Variants in TMEM178B observed in about 807,000 individuals in gnomAD.
TMEM178B encodes transmembrane protein 178B.
A neutral mutation model predicts 31.0 loss-of-function variants in TMEM178B; 5 were observed. That is an observed-to-expected ratio of 0.16 (90% CI 0.08 to 0.34). TMEM178B has a LOEUF of 0.34. Ranked by LOEUF, TMEM178B falls within the 10% of genes least tolerant of loss-of-function variation. The pLI, the probability that TMEM178B is intolerant of heterozygous loss-of-function variation, is 1.00. For missense variants in TMEM178B, 275 were observed against 400.3 expected (o/e 0.69, Z 2.67); for synonymous variants, 164 against 164.0 (o/e 1.00, Z 0.00).
chr7:141,330,095 G>A (rs1325369013), intron 2 of TMEM178B, among the ~76,000 whole-genome samples: 1 of 150,610 alleles, frequency 6.6e-6, no homozygotes, highest in Admixed American at 6.6e-5. Context: ...TTTTTTTTTT[G>A]GTTGAAAGTT....
intron 2 of TMEM178B, among the ~76,000 whole-genome samples, chr7:141,336,242 C>A (rs991862015): frequency 6.6e-6 from 1 of 152,144 alleles, no homozygotes; most frequent in African/African-American, 2.4e-5. Flanking sequence ...CTTCTCTACT[C>A]CTGCCCACGT....
chr7:141,461,723 C>A lies in TMEM178B; in HGVS notation c.635-8813C>A, dbSNP rs1475112286. 6.6e-6 allele frequency among the ~76,000 whole-genome samples: 1 copy of A among 152,170 alleles called. No individual in the cohort carries two copies. The highest frequency in any genetic ancestry group is 1.5e-5 in the Non-Finnish European group (1 of 68,028). ...TTCTAGCCTCCCCTTTCTGTGTAGG[C>A]TAATCCAGCAACAAGCACACAGGAA... On this transcript the variant is annotated intron_variant, in intron 3 of 3. Transcript: ENST00000565468. This position sits in a 1 kb window ranked among gnomAD's most constrained non-coding sequence, Gnocchi z 4.0.
intron 1 of TMEM178B, among the ~76,000 whole-genome samples, chr7:141,149,772 G>T (rs1795931014): frequency 2.6e-5 from 4 of 152,244 alleles, no homozygotes; most frequent in Admixed American, 2.6e-4. Context: ...GCTGGGAAGA[G>T]ACAAGGAAGG....
chr7:141,238,028 A>C (rs1454834394), intron 2 of TMEM178B, among the ~76,000 whole-genome samples: 1 of 151,742 alleles, frequency 6.6e-6, no homozygotes, highest in Non-Finnish European at 1.5e-5. Context: ...TGTCTAAAAA[A>C]AAAAAAAAAA....
intron 2 of TMEM178B, among the ~76,000 whole-genome samples, chr7:141,321,079 G>T (rs1799090883): frequency 6.6e-6 from 1 of 152,308 alleles, no homozygotes; most frequent in Admixed American, 6.5e-5. Context: ...CACTTCTTAA[G>T]TGCATGCAGT....
intron 2 of TMEM178B, among the ~76,000 whole-genome samples, chr7:141,408,527 G>A (rs1346522308): frequency 2.0e-5 from 3 of 152,202 alleles, no homozygotes; most frequent in Non-Finnish European, 4.4e-5. Context: ...ATCACATTGA[G>A]AGAATCACTG....
intron 1 of TMEM178B, among the ~76,000 whole-genome samples, chr7:141,145,465 G>T (rs1317021082): frequency 6.6e-6 from 1 of 152,180 alleles, no homozygotes; most frequent in Non-Finnish European, 1.5e-5. Flanking sequence ...TTTTAAGAGG[G>T]CTCCTTCTTT....
intron 2 of TMEM178B, among the ~76,000 whole-genome samples, chr7:141,217,789 T>A (rs1191642031): frequency 6.6e-6 from 1 of 152,010 alleles, no homozygotes; most frequent in Non-Finnish European, 1.5e-5. Flanking sequence ...TGAGCTCAGA[T>A]GTTCTCATTC....
intron 2 of TMEM178B, among the ~76,000 whole-genome samples, chr7:141,432,380 C>A (rs909665909): frequency 2.0e-5 from 3 of 152,132 alleles, no homozygotes; most frequent in Admixed American, 2.0e-4. Flanking sequence ...GTCTTGAATG[C>A]CTGACCTCAG....
At chr7:141,398,297 A>G (rs1800692902) in intron 2 of TMEM178B, among the ~76,000 whole-genome samples, 1 of 152,192 alleles carries the variant, frequency 6.6e-6, no homozygotes, top group Admixed American at 6.5e-5. Context: ...AGCCTTTTTC[A>G]TGCCTTTTGC....
At chr7:141,503,341 G>T in the TMEM178B span, among the ~76,000 whole-genome samples, 3 of 152,200 alleles carry the variant, frequency 2.0e-5, no homozygotes, top group African/African-American at 7.2e-5. Context: ...GCCTCAACGA[G>T]TAAGTACCAG....
In TMEM178B at chr7:141,450,898, T is replaced by G. The variant is rs146076308; in HGVS notation, c.634+13153T>G. On this transcript the variant is annotated intron_variant, in intron 3 of 3. Coordinates refer to ENST00000565468, the MANE Select transcript of TMEM178B (RefSeq NM_001195278.2). Reference sequence around the variant, plus strand: ...TTAAGTAAATGATGGAGTCTTAATCTAAGGTCTTCAGACTGGTACCCATTC... The same window carrying G: ...TTAAGTAAATGATGGAGTCTTAATCGAAGGTCTTCAGACTGGTACCCATTC... Among the ~76,000 whole-genome samples, 41 of 152,282 alleles carry G rather than the reference T, an allele frequency of 2.7e-4. No homozygotes were observed. In the East Asian group the frequency reaches 7.9e-3, roughly 29 times the overall value.
chr7:141,437,998 A>G (rs1801580345), intron 3 of TMEM178B, among the ~76,000 whole-genome samples: 2 of 152,196 alleles, frequency 1.3e-5, no homozygotes. Flanking sequence ...TGTGGAAGAA[A>G]GACACTTACG....
rs1236476786 is a variant in TMEM178B, at chr7:141,213,388, A to G, written c.496+684A>G. On this transcript the variant is annotated intron_variant, in intron 2 of 3. Transcript: ENST00000565468. Reference sequence around the variant, plus strand: ...TTGGCTATTTTTACTTTTCTGCGCCATTGGGATACATTGCTTGTCTGTGGC... The same window carrying G: ...TTGGCTATTTTTACTTTTCTGCGCCGTTGGGATACATTGCTTGTCTGTGGC... 2.0e-5 allele frequency among the ~76,000 whole-genome samples: 3 copies of G among 152,158 alleles called. No individual in the cohort carries two copies. In the East Asian group the frequency reaches 5.8e-4, roughly 29 times the overall value.
chr7:141,484,804 C>T (rs1455183209), downstream of TMEM178B, among the ~76,000 whole-genome samples: 1 of 152,102 alleles, frequency 6.6e-6, no homozygotes. This position sits in a 1 kb window ranked among gnomAD's most constrained non-coding sequence, Gnocchi z 4.8. Flanking sequence ...TCAGGTGATC[C>T]GCCCGCCTCG....
chr7:141,154,733 T>G (rs1796037731), intron 1 of TMEM178B, among the ~76,000 whole-genome samples: 1 of 144,192 alleles, frequency 6.9e-6, no homozygotes, highest in South Asian at 2.1e-4. Context: ...CTTGTTAACT[T>G]TTTTTTTTTT....
At chr7:141,415,801 G>T (rs1458614520) in intron 2 of TMEM178B, among the ~76,000 whole-genome samples, 3 of 152,194 alleles carry the variant, frequency 2.0e-5, no homozygotes, top group Admixed American at 2.0e-4. Flanking sequence ...TAGAGGCACA[G>T]GCAGACCACT....
intron 1 of TMEM178B, among the ~76,000 whole-genome samples, chr7:141,175,857 G>A (rs150618461): frequency 9.5e-4 from 145 of 152,268 alleles, no homozygotes; most frequent in African/African-American, 3.3e-3. Flanking sequence ...GAGATATTGG[G>A]CTAAGACAAT....
intron 2 of TMEM178B, among the ~76,000 whole-genome samples, chr7:141,354,882 C>T (rs1455368473): frequency 2.0e-5 from 3 of 152,194 alleles, no homozygotes; most frequent in Non-Finnish European, 4.4e-5. Flanking sequence ...ACTTTTCTCC[C>T]CTTTCTGTGA....
Sources: allele counts gnomAD v4.1 joint callset (sites outside exome capture counted in the v4.1 genomes callset), GRCh38; gene constraint gnomAD v4.1.1; non-coding constraint Gnocchi (gnomAD v3.1); transcripts MANE v1.5; gene names NCBI Gene and HGNC (gene_info 2026-07-23, HGNC 2026-07-21).